FBXO22: variants seen among roughly 807,000 people sequenced by gnomAD.
The protein encoded by FBXO22 is F-box protein 22, also known as F-box only protein 22.
Under a neutral mutation model 37.2 loss-of-function variants are expected in FBXO22, and 13 were observed. That is an observed-to-expected ratio of 0.35 (90% CI 0.23 to 0.56). The LOEUF is 0.56. Ranked by LOEUF, FBXO22 falls within the 20% of genes least tolerant of loss-of-function variation. The probability of loss-of-function intolerance (pLI) is 0.87; values close to 1 mark genes in which losing one functional copy is unlikely to be tolerated. For synonymous variants in FBXO22, 189 were observed against 189.1 expected (o/e 1.00, Z 0.00); for missense variants, 446 against 509.9 (o/e 0.87, Z 1.21).
At chr15:75,918,935 C>G (rs916706075) in intron 5 of FBXO22, among the ~76,000 whole-genome samples, 1 of 152,080 alleles carries the variant, frequency 6.6e-6, no homozygotes, top group Admixed American at 6.5e-5. Context: ...AACATGGAGA[C>G]TATAGTCAGT....
intron 5 of FBXO22, among the ~76,000 whole-genome samples, chr15:75,927,493 C>G (rs545181699): frequency 1.4e-3 from 206 of 152,160 alleles, no homozygotes; most frequent in African/African-American, 4.8e-3. Context: ...ATTATATTGT[C>G]CTGGGGTAGT....
chr15:75,918,321 GAAA>G (rs1159069812), intron 5 of FBXO22, among the ~76,000 whole-genome samples: 3 of 139,440 alleles, frequency 2.2e-5, no homozygotes, highest in Non-Finnish European at 4.7e-5. Flanking sequence ...TGACAATGTG[GAAA>G]AAAAAAAAAA....
intron 3 of FBXO22, among the ~76,000 whole-genome samples, chr15:75,913,649 G>A (rs1900119325): frequency 6.6e-6 from 1 of 152,100 alleles, no homozygotes; most frequent in Non-Finnish European, 1.5e-5. Context: ...GTAGAGAAAT[G>A]GTGCATTTTT....
chr15:75,922,885 GGT>G (rs1900357201), intron 5 of FBXO22, among the ~76,000 whole-genome samples: 1 of 152,228 alleles, frequency 6.6e-6, no homozygotes, highest in African/African-American at 2.4e-5. Flanking sequence ...AGGAGACAAG[GGT>G]GATGGTGGTG....
chr15:75,908,270 T>TTG (rs1342627191), intron 2 of FBXO22, among the ~76,000 whole-genome samples: 1 of 151,888 alleles, frequency 6.6e-6, no homozygotes, highest in Non-Finnish European at 1.5e-5. Context: ...GTTTTTTGTT[T>TTG]TGTTTGGTTT....
chr15:75,937,909 T>C lies in FBXO22; in HGVS notation c.*4807T>C, dbSNP rs1007080386. 9 of 152,054 alleles carry C rather than the reference T, an allele frequency of 5.9e-5. No individual in the cohort carries two copies. The highest frequency in any genetic ancestry group is 2.2e-4 in the African/African-American group (9 of 41,400). The allele number at this position is 152,054 out of a possible 1,614,324, so 9.4% of individuals were successfully genotyped here. On this transcript the variant is annotated 3_prime_UTR_variant, in exon 7 of 7. Transcript: ENST00000308275. Reference sequence around the variant, plus strand: ...AGAGGTTATGGGTGTAAACATAAAATAGAACAACTAAGGCCCAGAGGAGAA... The same window carrying C: ...AGAGGTTATGGGTGTAAACATAAAACAGAACAACTAAGGCCCAGAGGAGAA...
At chr15:75,916,945 A>C (rs927587136) in intron 4 of FBXO22, among the ~76,000 whole-genome samples, 1 of 152,216 alleles carries the variant, frequency 6.6e-6, no homozygotes, top group African/African-American at 2.4e-5. Context: ...AGTTGAAAGA[A>C]TAATAGAACA....
intron 2 of FBXO22, among the ~76,000 whole-genome samples, chr15:75,911,969 A>G (rs993822314): frequency 6.6e-6 from 1 of 150,846 alleles, no homozygotes; most frequent in Non-Finnish European, 1.5e-5. Flanking sequence ...AGTTTTTAGC[A>G]TGAAGGGGTG....
chr15:75,940,439 A>G lies in FBXO22; in HGVS notation c.*7337A>G, dbSNP rs1458242215. 6.6e-6 allele frequency: 1 copy of G among 150,872 alleles called. No individual in the cohort carries two copies. The highest frequency in any genetic ancestry group is 2.4e-5 in the African/African-American group (1 of 40,982). The allele number at this position is 150,872 out of a possible 1,614,324, so 9.3% of individuals were successfully genotyped here. A position where few individuals can be genotyped will look rare whatever the true frequency, so the allele number is the denominator to read the frequency against. On this transcript the variant is annotated 3_prime_UTR_variant, in exon 7 of 7. Transcript: ENST00000308275. ...GATGTGCAGATTCACTACAGTCTCT[A>G]TCAGAATCCTAGGATTTTTTTTTTT...
At chr15:75,909,711 G>A (rs1393734454) in intron 2 of FBXO22, among the ~76,000 whole-genome samples, 1 of 151,836 alleles carries the variant, frequency 6.6e-6, no homozygotes, top group African/African-American at 2.4e-5. Context: ...GAAGTAGATT[G>A]ACTCAGAATG....
rs1377128402 is a variant in FBXO22 at position 75,935,027 on chromosome 15, GTAAAATCATT to G, written c.*1928_*1937del. 2.0e-5 allele frequency: 3 copies of G among 152,160 alleles called. No homozygotes were observed. The highest frequency in any genetic ancestry group is 4.8e-5 in the African/African-American group (2 of 41,446). The allele number at this position is 152,160 out of a possible 1,614,324, so 9.4% of individuals were successfully genotyped here. A position where few individuals can be genotyped will look rare whatever the true frequency, so the allele number is the denominator to read the frequency against. On this transcript the variant is annotated 3_prime_UTR_variant, in exon 7 of 7. Coordinates refer to ENST00000308275, the MANE Select transcript of FBXO22 (RefSeq NM_147188.3). ...GAGCCTTTGGAGCTTGTTATGAACAGTAAAATCATTTAGTCACATGGTTGTAACCTTAGTG... is the reference window on the plus strand; with the variant it reads ...GAGCCTTTGGAGCTTGTTATGAACAGTAGTCACATGGTTGTAACCTTAGTG...
In FBXO22 at chr15:75,923,068, A is replaced by G. The variant is rs200990698; in HGVS notation, c.628+5674A>G. On this transcript the variant is annotated intron_variant, in intron 5 of 6. Coordinates refer to ENST00000308275, the MANE Select transcript of FBXO22 (RefSeq NM_147188.3). ...TGCCTTTTTTGTCCAGAGAGGTGAC[A>G]TAGCTGTTTCCTGGGCAGTACTCTG... is the stretch of plus-strand genomic sequence containing the variant. Among the ~76,000 whole-genome samples, 15 of 152,292 alleles carry G rather than the reference A, an allele frequency of 9.8e-5. No homozygotes were observed. In the East Asian group the frequency reaches 2.9e-3, roughly 29 times the overall value.
rs984793245 is a variant in FBXO22 at position 75,914,115 on chromosome 15, A to G, written c.373A>G (p.Lys125Glu). Residue 125 changes from lysine to glutamate, a missense_variant, in exon 4 of 7, where the codon AAA becomes GAA. By Grantham distance (56) the Lys-to-Glu change is moderately conservative (BLOSUM62 1). Around this residue, in one of 2 missense-constraint regions of FBXO22, gnomAD observed 315 missense variants for 410.1 expected, o/e 0.77. Coordinates refer to ENST00000308275, the MANE Select transcript of FBXO22 (RefSeq NM_147188.3). ...TTGCTACTGTATTTTTACAGCAAGG[A>G]AAAGAACTAGTATGGAAACAGCACT... ...EECRGHKRAR[K>E]RTSMETALAL... 3 of 1,609,434 alleles carry G rather than the reference A, an allele frequency of 1.9e-6. No homozygotes were observed. Among genetic ancestry groups the G allele is most frequent in the Admixed American group, 3.4e-5 (2 of 59,510 alleles).
chr15:75,922,855 T>G (rs1490959503), intron 5 of FBXO22, among the ~76,000 whole-genome samples: 1 of 152,160 alleles, frequency 6.6e-6, no homozygotes, highest in Non-Finnish European at 1.5e-5. Context: ...CCTCAGTAAT[T>G]ACTTTTGAGT....
rs575741732 is a variant in FBXO22, at chr15:75,926,660, A to C, written c.629-3224A>C. Reference sequence around the variant, plus strand: ...CAGAGGTTGAGGGCGTATCCGGGAAAAACACTAGTCACAAACGAGTGGCTG... The same window carrying C: ...CAGAGGTTGAGGGCGTATCCGGGAACAACACTAGTCACAAACGAGTGGCTG... On this transcript the variant is annotated intron_variant, in intron 5 of 6. Transcript: ENST00000308275. Among the ~76,000 whole-genome samples the C allele has an allele frequency of 2.6e-5, 4 of 152,330 alleles. No individual in the cohort carries two copies. In the South Asian group the frequency reaches 8.3e-4, roughly 32 times the overall value.
chr15:75,925,489 C>T (rs1401650535), intron 5 of FBXO22, among the ~76,000 whole-genome samples: 5 of 151,406 alleles, frequency 3.3e-5, no homozygotes, highest in Admixed American at 3.3e-4. Flanking sequence ...TGTCAGATTC[C>T]AAAAAAGTGT....
rs960616482 is a variant in FBXO22 at position 75,914,319 on chromosome 15, C to T, written c.463+114C>T. ...TTTCTATTTCTGTCCATCTAAAATACAATAAAGTCAGTCATATTTACCATG... is the reference window on the plus strand; with the variant it reads ...TTTCTATTTCTGTCCATCTAAAATATAATAAAGTCAGTCATATTTACCATG... On this transcript the variant is annotated intron_variant, in intron 4 of 6. Transcript: ENST00000308275. 5.3e-5 allele frequency: 37 copies of T among 693,158 alleles called. No homozygotes were observed. The African/African-American group carries it at 5.6e-4, about 10-fold the overall frequency. 42.9% of individuals were successfully genotyped at this position (693,158 alleles called of 1,614,324 possible). A position where few individuals can be genotyped will look rare whatever the true frequency, so the allele number is the denominator to read the frequency against.
chr15:75,926,879 G>T (rs1240329132), intron 5 of FBXO22, among the ~76,000 whole-genome samples: 1 of 152,218 alleles, frequency 6.6e-6, no homozygotes, highest in Admixed American at 6.5e-5. Flanking sequence ...GAGTAGGTGG[G>T]TGAATTACTG....
At chr15:75,913,704 A>G (rs1900120891) in intron 3 of FBXO22, among the ~76,000 whole-genome samples, 1 of 152,200 alleles carries the variant, frequency 6.6e-6, no homozygotes, top group Non-Finnish European at 1.5e-5. Context: ...AGATGCGCAC[A>G]CTCAGGTCCC....
Sources: gnomAD v4.1 joint callset for allele counts (sites outside exome capture counted in the v4.1 genomes callset) on GRCh38, gnomAD v4.1.1 for gene constraint, gnomAD v4.1.1 regional missense constraint, MANE v1.5 for transcripts, NCBI Gene and HGNC (gene_info 2026-07-23, HGNC 2026-07-21) for gene names.